The following FBXO34 variants were observed in gnomAD, a reference collection of about 807,000 sequenced individuals.
The protein encoded by FBXO34 is F-box only protein 34.
FBXO34 carries 12 observed loss-of-function variants against 24.5 expected under a neutral mutation model. That is an observed-to-expected ratio of 0.49 (90% CI 0.31 to 0.79). The LOEUF is 0.79. Ranked by LOEUF, FBXO34 falls within the 30% of genes least tolerant of loss-of-function variation. The pLI, the probability that FBXO34 is intolerant of heterozygous loss-of-function variation, is 0.04. For missense variants in FBXO34, 823 were observed against 857.7 expected (o/e 0.96, Z 0.51); for synonymous variants, 320 against 311.9 (o/e 1.03, Z -0.27).
At chr14:55,315,564 G>A (rs1566552048) in intron 1 of FBXO34, among the ~76,000 whole-genome samples, 1 of 152,186 alleles carries the variant, frequency 6.6e-6, no homozygotes, top group East Asian at 1.9e-4. Context: ...TAAACTTTGA[G>A]ATCCTAATAG....
intron 1 of FBXO34, among the ~76,000 whole-genome samples, chr14:55,349,889 C>CA (rs1277188081): frequency 5.9e-5 from 9 of 151,904 alleles, no homozygotes; most frequent in African/African-American, 1.7e-4. Flanking sequence ...TTACAGACGT[C>CA]AGTCACCATG....
intron 1 of FBXO34, among the ~76,000 whole-genome samples, chr14:55,291,483 CAT>C (rs1276387544): frequency 6.6e-6 from 1 of 152,170 alleles, no homozygotes; most frequent in Non-Finnish European, 1.5e-5. Flanking sequence ...TACTCACAAA[CAT>C]GTCACTGTGA....
the FBXO34 span, among the ~76,000 whole-genome samples, chr14:55,406,631 T>A: frequency 2.0e-5 from 3 of 152,178 alleles, no homozygotes; most frequent in African/African-American, 7.2e-5. Context: ...TTAAAAAATA[T>A]CTGGCTATTA....
At chr14:55,323,223 A>AT (rs1566555885) in intron 1 of FBXO34, among the ~76,000 whole-genome samples, 15 of 18,496 alleles carry the variant, frequency 8.1e-4, no homozygotes, top group East Asian at 1.4e-3. Context: ...AAAAAAATAT[A>AT]TATTTTTTTT....
At chr14:55,431,934 C>A in the FBXO34 span, among the ~76,000 whole-genome samples, 1 of 152,068 alleles carries the variant, frequency 6.6e-6, no homozygotes, top group East Asian at 1.9e-4. Flanking sequence ...CTAAGTGAAT[C>A]AAAATACCAG....
chr14:55,414,576 T>A, the FBXO34 span: 2 of 656,480 alleles, frequency 3.0e-6, no homozygotes, highest in Non-Finnish European at 4.8e-6. Flanking sequence ...TAGCTGTACC[T>A]GAGAAATGGC....
At chr14:55,354,001 G>C (rs1400318583), downstream of FBXO34, among the ~76,000 whole-genome samples, 1 of 152,180 alleles carries the variant, frequency 6.6e-6, no homozygotes, top group Non-Finnish European at 1.5e-5. Context: ...AGGCTGGCTT[G>C]AAATCGAGTA....
At chr14:55,386,042 G>A in the FBXO34 span, 1 of 1,613,994 alleles carries the variant, frequency 6.2e-7, no homozygotes, top group Non-Finnish European at 8.5e-7. Context: ...GTGCCGTTGT[G>A]CTCGACTGTA....
chr14:55,345,324 C>G (rs1445092488), intron 1 of FBXO34, among the ~76,000 whole-genome samples: 1 of 152,162 alleles, frequency 6.6e-6, no homozygotes, highest in African/African-American at 2.4e-5. Flanking sequence ...AACCCATTTA[C>G]TTGTCATCTC....
downstream of FBXO34, chr14:55,369,821 T>A (rs1464556025): frequency 7.4e-6 from 12 of 1,614,224 alleles, no homozygotes; most frequent in Non-Finnish European, 1.0e-5. Context: ...GGTTTCTTCA[T>A]CGCTGACGCG....
intron 1 of FBXO34, among the ~76,000 whole-genome samples, chr14:55,337,075 G>A (rs1188230938): frequency 2.7e-5 from 4 of 150,940 alleles, no homozygotes; most frequent in Non-Finnish European, 4.4e-5. Context: ...TCCTGGACTC[G>A]AGATCCTCTT....
chr14:55,415,727 G>A, the FBXO34 span, among the ~76,000 whole-genome samples: 3 of 152,072 alleles, frequency 2.0e-5, no homozygotes, highest in Admixed American at 6.6e-5. Flanking sequence ...AAAATTAGGC[G>A]TGGCGGTGGG....
the FBXO34 span, chr14:55,438,865 C>A: frequency 4.0e-5 from 6 of 150,956 alleles, no homozygotes; most frequent in African/African-American, 1.5e-4. Flanking sequence ...ACCATTTCTA[C>A]CTCAGTGCTG....
chr14:55,369,864 C>T, downstream of FBXO34: 1 of 1,614,180 alleles, frequency 6.2e-7, no homozygotes, highest in Non-Finnish European at 8.5e-7. Flanking sequence ...TCTCCAGCAA[C>T]TCCGGGATCC....
Position 55,348,890 on chromosome 14 carries a change from T to C in FBXO34, c.-10-1491T>C, listed in dbSNP as rs1455281665. ...ATCAGTTACCACAGAGGCTGCCATA[T>C]GGCAGGTACCCAGTAAATGTGGAGC... On this transcript the variant is annotated intron_variant, in intron 1 of 1. Transcript: ENST00000313833. 2.0e-5 allele frequency among the ~76,000 whole-genome samples: 3 copies of C among 152,278 alleles called. No homozygotes were observed. The East Asian group carries it at 5.8e-4, about 29-fold the overall frequency.
At chr14:55,411,500 G>T in the FBXO34 span, 1 of 1,150,824 alleles carries the variant, frequency 8.7e-7, no homozygotes. Flanking sequence ...TCCTCTCGCT[G>T]GTATCTGGTG....
intron 1 of FBXO34, among the ~76,000 whole-genome samples, chr14:55,323,920 A>C (rs1883254910): frequency 6.6e-6 from 1 of 152,190 alleles, no homozygotes; most frequent in Non-Finnish European, 1.5e-5. Flanking sequence ...AAATTTAGAT[A>C]TTAATCACAT....
chr14:55,439,278 T>TTAA, the FBXO34 span, among the ~76,000 whole-genome samples: 4 of 133,884 alleles, frequency 3.0e-5, no homozygotes, highest in Non-Finnish European at 6.3e-5. Flanking sequence ...TAATTAACTT[T>TTAA]AAAAAAAAAA....
chr14:55,332,347 G>A (rs1010591222), intron 1 of FBXO34, among the ~76,000 whole-genome samples: 7 of 151,900 alleles, frequency 4.6e-5, no homozygotes, highest in Non-Finnish European at 8.8e-5. Flanking sequence ...AATAATTATG[G>A]CAAATGTTAC....
Sources: allele counts gnomAD v4.1 joint callset (sites outside exome capture counted in the v4.1 genomes callset), GRCh38; gene constraint gnomAD v4.1.1; transcripts MANE v1.5; gene names NCBI Gene and HGNC (gene_info 2026-07-23, HGNC 2026-07-21).